ATAD1: variants seen among roughly 807,000 people sequenced by gnomAD.
ATAD1 encodes outer mitochondrial transmembrane helix translocase.
Under a neutral mutation model 42.7 loss-of-function variants are expected in ATAD1, and 18 were observed. That is an observed-to-expected ratio of 0.42 (90% confidence interval 0.29 to 0.63). The LOEUF is 0.63. ATAD1 is among the 20% of genes least tolerant of loss of function. ATAD1 has a pLI of 0.19. For missense variants in ATAD1, 294 were observed against 440.4 expected (o/e 0.67, Z 2.98); for synonymous variants, 132 against 143.1 (o/e 0.92, Z 0.55).
intron 1 of ATAD1, among the ~76,000 whole-genome samples, chr10:87,815,378 T>C (rs1038953284): frequency 6.6e-6 from 1 of 152,102 alleles, no homozygotes; most frequent in Non-Finnish European, 1.5e-5. Flanking sequence ...CCTCTGTCAA[T>C]GGCAATAACT....
In ATAD1 at chr10:87,756,745, A is replaced by G. The variant is rs41307064; in HGVS notation, c.965+44T>C. ...TAAAAGAAACTAACCTAAAAGCTCTAAAAGATTTTGACAAGTGTTAAAAAT... is the reference window on the plus strand; with the variant it reads ...TAAAAGAAACTAACCTAAAAGCTCTGAAAGATTTTGACAAGTGTTAAAAAT... On this transcript the variant is annotated intron_variant, in intron 9 of 9. Transcript: ENST00000680024. The G allele has an allele frequency of 1.9e-3, 2,784 of 1,490,096 alleles. 22 individuals carry two copies. The highest frequency in any genetic ancestry group is 0.016 in the Middle Eastern group (77 of 4,800). The allele number at this position is 1,490,096 out of a possible 1,614,324, so 92.3% of individuals were successfully genotyped here.
chr10:87,776,900 T>A lies in ATAD1; in HGVS notation c.584-473A>T, dbSNP rs117270080. Reference sequence around the variant, plus strand: ...ACTATAGTGATCATTGAAATGTCACTCTGTACCCCATAAATATGTGCAATT... The same window carrying A: ...ACTATAGTGATCATTGAAATGTCACACTGTACCCCATAAATATGTGCAATT... On this transcript the variant is annotated intron_variant, in intron 5 of 9. Transcript: ENST00000680024. Among the ~76,000 whole-genome samples, 931 of 152,128 alleles carry A rather than the reference T, an allele frequency of 6.1e-3. 10 individuals carry two copies. The highest frequency in any genetic ancestry group is 0.017 in the South Asian group (80 of 4,822).
intron 2 of ATAD1, among the ~76,000 whole-genome samples, chr10:87,798,444 T>G (rs747413316): frequency 6.6e-6 from 1 of 152,162 alleles, no homozygotes; most frequent in Non-Finnish European, 1.5e-5. Flanking sequence ...ACCTACAAAC[T>G]ACAGAGTTGC....
intron 2 of ATAD1, among the ~76,000 whole-genome samples, chr10:87,793,671 G>A (rs1260660651): frequency 6.6e-6 from 1 of 152,092 alleles, no homozygotes; most frequent in African/African-American, 2.4e-5. Flanking sequence ...TTTAAGACTG[G>A]AGTTTATAAC....
At chr10:87,820,891 A>C (rs1589570338), upstream of ATAD1, among the ~76,000 whole-genome samples, 1 of 152,330 alleles carries the variant, frequency 6.6e-6, no homozygotes, top group African/African-American at 2.4e-5. Context: ...AGCTTTATAT[A>C]ATCCCTGGCA....
intron 2 of ATAD1, among the ~76,000 whole-genome samples, chr10:87,799,435 G>A (rs1260216430): frequency 1.3e-5 from 2 of 152,132 alleles, no homozygotes; most frequent in Non-Finnish European, 2.9e-5. Context: ...AGTAAGGTTT[G>A]TTTTGGGAAA....
chr10:87,759,883 T>C, intron 8 of ATAD1: 1 of 308,370 alleles, frequency 3.2e-6, no homozygotes, highest in South Asian at 2.8e-5. Context: ...GCAAGCACTC[T>C]AAAAGTAGCT....
At chr10:87,818,050 G>C (rs1468612898) in intron 1 of ATAD1, 117 bp downstream of exon 1, 1 of 985,574 alleles carries the variant, frequency 1.0e-6, no homozygotes, top group East Asian at 1.1e-4. Flanking sequence ...GGTAGGGCGT[G>C]GGAGAAGACC....
At position 87,784,618 on chromosome 10, in the gene ATAD1, G is replaced by A; in HGVS notation, c.435C>T (p.Ala145=). The A allele has an allele frequency of 1.2e-6, 2 of 1,613,186 alleles. No individual in the cohort carries two copies. Among genetic ancestry groups the A allele is most frequent in the South Asian group, 2.2e-5 (2 of 91,024 alleles). Residue 145 remains alanine (A), a synonymous_variant, in exon 5 of 10, where the codon GCC becomes GCT. Transcript: ENST00000680024. ...PGCGKTLIAK[A]TAKEAGCRFI... ...ATCGACAGCCTGCTTCTTTGGCTGT[G>A]GCCTTGGCAATCAACGTTTTACCAC... is the stretch of plus-strand genomic sequence containing the variant.
rs567050228 is a variant in ATAD1 at position 87,798,378 on chromosome 10, G to A, written c.163-5623C>T. ...CTACTTGCCAGAGTTTATGTAAAACGGAAGTAACATGGTCTTTGTGCACAT... is the reference window on the plus strand; with the variant it reads ...CTACTTGCCAGAGTTTATGTAAAACAGAAGTAACATGGTCTTTGTGCACAT... On this transcript the variant is annotated intron_variant, in intron 2 of 9. Coordinates refer to ENST00000680024, the MANE Select transcript of ATAD1 (RefSeq NM_001321967.2). 5.3e-5 allele frequency among the ~76,000 whole-genome samples: 8 copies of A among 152,232 alleles called. No individual in the cohort carries two copies. The South Asian group carries it at 6.2e-4, about 12-fold the overall frequency.
In ATAD1 at chr10:87,818,167, C is replaced by G; in HGVS notation, c.-14G>C. On this transcript the variant is annotated splice_region_variant and 5_prime_UTR_variant, in exon 1 of 10. Coordinates refer to ENST00000680024, the MANE Select transcript of ATAD1 (RefSeq NM_001321967.2). ...GGCCCCACGGGAACCAGCTACTCAC[C>G]CAGGGGCAGAAACAGCAAGAGCAAG... 1.0e-6 allele frequency: 1 copy of G among 985,670 alleles called. No homozygotes were observed. The highest frequency in any genetic ancestry group is 1.2e-6 in the Non-Finnish European group (1 of 830,094). 61.1% of individuals were successfully genotyped at this position (985,670 alleles called of 1,614,324 possible).
At chr10:87,809,717 C>T (rs955763358) in intron 2 of ATAD1, among the ~76,000 whole-genome samples, 4 of 151,704 alleles carry the variant, frequency 2.6e-5, no homozygotes, top group African/African-American at 7.3e-5. Flanking sequence ...AGTGCAATGG[C>T]GCAATCTCGG....
intron 8 of ATAD1, 94 bp from the exon 9 acceptor site, chr10:87,757,016 T>A: frequency 9.7e-7 from 1 of 1,028,202 alleles, no homozygotes; most frequent in Non-Finnish European, 1.3e-6. Flanking sequence ...TTAAGCATAT[T>A]ATAACTGCAT....
intron 3 of ATAD1, among the ~76,000 whole-genome samples, chr10:87,790,980 T>G (rs1856069109): frequency 7.1e-6 from 1 of 140,744 alleles, no homozygotes; most frequent in South Asian, 2.2e-4. Flanking sequence ...GGTCAGGAGT[T>G]CGGGACCAGC....
At chr10:87,791,654 C>G (rs906306450) in intron 3 of ATAD1, among the ~76,000 whole-genome samples, 15 of 152,164 alleles carry the variant, frequency 9.9e-5, no homozygotes, top group East Asian at 1.9e-4. Context: ...CTTTTATTTT[C>G]TAGATATGGA....
In ATAD1 at chr10:87,803,727, T is replaced by C. The variant is rs1215389594; in HGVS notation, c.162+10711A>G. 2.6e-5 allele frequency among the ~76,000 whole-genome samples: 4 copies of C among 152,258 alleles called. No homozygotes were observed. In the East Asian group the frequency reaches 5.8e-4, roughly 22 times the overall value. ...CCTGAGGCTGTGTCATGGGTGCATG[T>C]TCTCAACCTTGGCAAAATAAACTTT... On this transcript the variant is annotated intron_variant, in intron 2 of 9. Coordinates refer to ENST00000680024, the MANE Select transcript of ATAD1 (RefSeq NM_001321967.2).
At chr10:87,763,446 G>C (rs1478478612) in intron 8 of ATAD1, among the ~76,000 whole-genome samples, 1 of 152,184 alleles carries the variant, frequency 6.6e-6, no homozygotes, top group African/African-American at 2.4e-5. Context: ...ATACCTCGAG[G>C]TCAGGAGTTC....
intron 2 of ATAD1, among the ~76,000 whole-genome samples, chr10:87,793,357 T>A (rs966222567): frequency 6.6e-6 from 1 of 152,160 alleles, no homozygotes; most frequent in Non-Finnish European, 1.5e-5. Flanking sequence ...ATTAAACCTA[T>A]GAGTTCTAGC....
intron 8 of ATAD1, among the ~76,000 whole-genome samples, chr10:87,764,648 T>C (rs1440223898): frequency 3.3e-5 from 5 of 152,218 alleles, no homozygotes; most frequent in Admixed American, 2.6e-4. Context: ...ATTCTACTTA[T>C]GAAGCTGTGC....
Sources: allele counts gnomAD v4.1 joint callset (sites outside exome capture counted in the v4.1 genomes callset), GRCh38; gene constraint gnomAD v4.1.1; transcripts MANE v1.5; gene names NCBI Gene and HGNC (gene_info 2026-07-23, HGNC 2026-07-21).